The following RIMOC1 variants were observed in gnomAD, a reference collection of about 807,000 sequenced individuals.
RIMOC1 encodes RAB7A-interacting MON1-CCZ1 complex subunit 1.
the RIMOC1 span, among the ~76,000 whole-genome samples, chr5:41,906,099 A>G: frequency 3.9e-5 from 6 of 152,208 alleles, no homozygotes; most frequent in Non-Finnish European, 5.9e-5. Flanking sequence ...TTATACTAGG[A>G]TATAAGGGTT....
At chr5:41,913,120 A>G in the RIMOC1 span, among the ~76,000 whole-genome samples, 4 of 152,130 alleles carry the variant, frequency 2.6e-5, no homozygotes, top group East Asian at 1.9e-4. Flanking sequence ...AGCTCCTTCA[A>G]TCTCACCTGT....
chr5:41,911,726 A>T, the RIMOC1 span, among the ~76,000 whole-genome samples: 1 of 152,210 alleles, frequency 6.6e-6, no homozygotes, highest in African/African-American at 2.4e-5. Flanking sequence ...TTATAACCAC[A>T]TACATGTTTT....
At chr5:41,915,695 C>T in the RIMOC1 span, among the ~76,000 whole-genome samples, 1 of 152,242 alleles carries the variant, frequency 6.6e-6, no homozygotes, top group African/African-American at 2.4e-5. Context: ...TTATTCATTA[C>T]CACAAGAACA....
At chr5:41,911,986 A>G in the RIMOC1 span, 93 of 883,792 alleles carry the variant, frequency 1.1e-4, no homozygotes, top group Middle Eastern at 2.6e-4. Context: ...TCTCTTGAGT[A>G]AAGAATGGAA....
At chr5:41,909,512 A>G in the RIMOC1 span, among the ~76,000 whole-genome samples, 528 of 152,216 alleles carry the variant, frequency 3.5e-3, 5 homozygotes, top group Non-Finnish European at 5.9e-3. Flanking sequence ...TTTTGAGGGA[A>G]AGAAAGATTA....
chr5:41,909,637 A>G, the RIMOC1 span: 2 of 624,986 alleles, frequency 3.2e-6, no homozygotes, highest in East Asian at 3.4e-5. Context: ...CTGAGCTAGA[A>G]GATTTAAATG....
At chr5:41,907,601 T>A in the RIMOC1 span, 2 of 546,256 alleles carry the variant, frequency 3.7e-6, no homozygotes, top group Non-Finnish European at 6.4e-6. Context: ...TAAGATATTA[T>A]TACTATAATT....
At chr5:41,907,118 A>G in the RIMOC1 span, among the ~76,000 whole-genome samples, 1 of 152,194 alleles carries the variant, frequency 6.6e-6, no homozygotes, top group African/African-American at 2.4e-5. Context: ...TTGTGATTAG[A>G]GGACTTATTA....
chr5:41,918,132 A>G, the RIMOC1 span: 1 of 985,634 alleles, frequency 1.0e-6, no homozygotes. Context: ...CTTTCTGTCT[A>G]CCTCAACTCC....
At chr5:41,917,390 A>G in the RIMOC1 span, 1 of 1,458,676 alleles carries the variant, frequency 6.9e-7, no homozygotes, top group Non-Finnish European at 9.0e-7. Flanking sequence ...TTGATACTGA[A>G]TATGAGAACA....
chr5:41,910,374 G>A, the RIMOC1 span, among the ~76,000 whole-genome samples: 2 of 151,672 alleles, frequency 1.3e-5, no homozygotes, highest in Admixed American at 1.3e-4. Flanking sequence ...AGAAACACAG[G>A]TACTAGCCAG....
the RIMOC1 span, among the ~76,000 whole-genome samples, chr5:41,912,963 TC>T: frequency 1.2e-4 from 19 of 152,230 alleles, 1 homozygote; most frequent in Non-Finnish European, 2.9e-5. Flanking sequence ...CTTACCTTTT[TC>T]CTCCATTCTT....
At chr5:41,911,073 T>A in the RIMOC1 span, 6 of 1,609,824 alleles carry the variant, frequency 3.7e-6, no homozygotes, top group Non-Finnish European at 5.1e-6. Context: ...GGGGATGAGC[T>A]ACTGGAATGT....
chr5:41,912,192 A>G, the RIMOC1 span: 4 of 1,457,904 alleles, frequency 2.7e-6, no homozygotes, highest in Non-Finnish European at 3.8e-6. Context: ...AGGTAATGTG[A>G]TCTCTCATTA....
the RIMOC1 span, chr5:41,916,533 A>T: frequency 1.2e-6 from 1 of 854,230 alleles, no homozygotes; most frequent in African/African-American, 1.8e-5. Flanking sequence ...ATAATTTCTT[A>T]GACTTTTAGA....
At chr5:41,904,457 C>G in the RIMOC1 span, 7 of 1,613,894 alleles carry the variant, frequency 4.3e-6, no homozygotes, top group Admixed American at 6.7e-5. Context: ...GCGAAGCTGC[C>G]GGTGAAGATG....
the RIMOC1 span, chr5:41,911,110 G>A: frequency 1.2e-6 from 2 of 1,610,514 alleles, no homozygotes; most frequent in South Asian, 2.2e-5. Flanking sequence ...GAGCCCTGCT[G>A]TATATGTATT....
At chr5:41,911,333 CTTG>C in the RIMOC1 span, 1 of 615,568 alleles carries the variant, frequency 1.6e-6, no homozygotes, top group Non-Finnish European at 2.5e-6. Flanking sequence ...ATAAATTGGG[CTTG>C]TTGTGAAGAC....
the RIMOC1 span, chr5:41,909,758 A>G: frequency 5.2e-6 from 8 of 1,525,422 alleles, no homozygotes; most frequent in African/African-American, 2.9e-5. Flanking sequence ...TATTTTGGAC[A>G]TGACATATTT....
Sources: gnomAD v4.1 joint callset for allele counts (sites outside exome capture counted in the v4.1 genomes callset) on GRCh38, gnomAD v4.1.1 for gene constraint, MANE v1.5 for transcripts, NCBI Gene and HGNC (gene_info 2026-07-23, HGNC 2026-07-21) for gene names.